PEX5L: variants seen among roughly 807,000 people sequenced by gnomAD.
The protein encoded by PEX5L is peroxisomal biogenesis factor 5 like, also known as PEX5-related protein.
Under a neutral mutation model 84.0 loss-of-function variants are expected in PEX5L, and 30 were observed. The ratio of observed to expected loss-of-function variants is 0.36; its 90% CI spans 0.27 to 0.48. The LOEUF (loss-of-function observed/expected upper bound fraction) is 0.48. PEX5L is among the 20% of genes least tolerant of loss of function. The probability of loss-of-function intolerance (pLI) is 0.99; values close to 1 mark genes in which losing one functional copy is unlikely to be tolerated. For synonymous variants in PEX5L, 270 were observed against 283.1 expected (o/e 0.95, Z 0.46); for missense variants, 533 against 754.6 (o/e 0.71, Z 3.44).
intron 1 of PEX5L, among the ~76,000 whole-genome samples, chr3:180,015,713 T>C (rs1295550061): frequency 2.6e-5 from 4 of 151,850 alleles, no homozygotes; most frequent in Non-Finnish European, 5.9e-5. Flanking sequence ...CCATTCTATA[T>C]ATTAATCTCC....
At chr3:179,866,777 C>G (rs1302364399) in intron 7 of PEX5L, among the ~76,000 whole-genome samples, 4 of 151,960 alleles carry the variant, frequency 2.6e-5, no homozygotes, top group African/African-American at 7.2e-5. Context: ...GTAATCCCAG[C>G]ACTTTGGGAG....
chr3:179,807,587 G>A, intron 14 of PEX5L, 87 bp downstream of exon 14: 1 of 1,286,800 alleles, frequency 7.8e-7, no homozygotes, highest in Non-Finnish European at 1.1e-6. Context: ...TACCAAGGCA[G>A]GCATTTTTAC....
At chr3:179,918,010 G>C (rs1767844093) in intron 2 of PEX5L, among the ~76,000 whole-genome samples, 1 of 152,110 alleles carries the variant, frequency 6.6e-6, no homozygotes. Context: ...AACTCTTTGA[G>C]GTATATGCTT....
Position 180,036,603 on chromosome 3 carries a change from G to C in PEX5L, c.-4C>G. 1 of 1,614,132 alleles carries C rather than the reference G, an allele frequency of 6.2e-7. No homozygotes were observed. Among genetic ancestry groups the C allele is most frequent in the Middle Eastern group, 1.6e-4 (1 of 6,062 alleles). ...CCTGCATGTGTCCCTGGTACATTCT[G>C]CTTCGGTTTCTTCAGGGCTCCCTGA... On this transcript the variant is annotated 5_prime_UTR_variant, in exon 1 of 15. Coordinates refer to ENST00000467460, the MANE Select transcript of PEX5L (RefSeq NM_016559.3).
intron 2 of PEX5L, among the ~76,000 whole-genome samples, chr3:179,932,568 G>A (rs903988274): frequency 3.9e-5 from 6 of 152,012 alleles, no homozygotes; most frequent in African/African-American, 1.5e-4. Flanking sequence ...ATGCATATAA[G>A]ACATTTCAAA....
chr3:180,030,740 T>C lies in PEX5L; in HGVS notation c.21+5839A>G, dbSNP rs1003532120. ...TTTCCATGATTCATAGATCACCATA[T>C]GGCATTCTGTTTGGGGAAAATAACT... On this transcript the variant is annotated intron_variant, in intron 1 of 14. Transcript: ENST00000467460. Among the ~76,000 whole-genome samples, 31 of 152,164 alleles carry C rather than the reference T, an allele frequency of 2.0e-4. 1 individual carries two copies. The highest frequency in any genetic ancestry group is 1.3e-4 in the Admixed American group (2 of 15,268).
chr3:179,863,634 C>T (rs1475684672), intron 7 of PEX5L, among the ~76,000 whole-genome samples: 2 of 152,050 alleles, frequency 1.3e-5, no homozygotes, highest in African/African-American at 2.4e-5. Context: ...CAGTGAGATA[C>T]CACCTCACAC....
intron 1 of PEX5L, among the ~76,000 whole-genome samples, chr3:179,981,207 G>A (rs192011504): frequency 2.0e-4 from 30 of 152,242 alleles, no homozygotes; most frequent in African/African-American, 6.0e-4. Flanking sequence ...TGATCCAGAC[G>A]AGGCTGGAGA....
intron 2 of PEX5L, among the ~76,000 whole-genome samples, chr3:179,935,419 G>A (rs1774309611): frequency 1.3e-5 from 2 of 152,118 alleles, no homozygotes; most frequent in African/African-American, 4.8e-5. Context: ...TCTACCACGA[G>A]CGTATATATT....
At chr3:180,031,087 T>TG (rs373909857) in intron 1 of PEX5L, among the ~76,000 whole-genome samples, 51,873 of 151,986 alleles carry the variant, frequency 0.34, 11,641 homozygotes, top group African/African-American at 0.65. Context: ...ATTTATCTAA[T>TG]GGATATTTAT....
chr3:179,874,194 CTGAA>C (rs1374655422), intron 7 of PEX5L, 129 bp downstream of exon 7: 1 of 495,838 alleles, frequency 2.0e-6, no homozygotes, highest in South Asian at 2.7e-5. Flanking sequence ...GAGATAGCTA[CTGAA>C]TGAAACAGCA....
At chr3:179,931,308 C>T (rs1028034014) in intron 2 of PEX5L, among the ~76,000 whole-genome samples, 15 of 152,208 alleles carry the variant, frequency 9.9e-5, no homozygotes, top group African/African-American at 2.9e-4. Context: ...GAGGCAAAGG[C>T]CTCAAAGGAC....
At chr3:180,014,571 T>C (rs1333472001) in intron 1 of PEX5L, among the ~76,000 whole-genome samples, 2 of 152,042 alleles carry the variant, frequency 1.3e-5, no homozygotes, top group African/African-American at 4.8e-5. Flanking sequence ...TTTTAGTCTC[T>C]ATAAAGCATG....
intron 2 of PEX5L, among the ~76,000 whole-genome samples, chr3:179,966,641 A>T (rs1415250726): frequency 1.3e-5 from 2 of 152,136 alleles, no homozygotes; most frequent in African/African-American, 4.8e-5. Context: ...ATGTTGGCCT[A>T]TATTTTCCTC....
At chr3:179,942,232 C>T (rs959105972) in intron 2 of PEX5L, among the ~76,000 whole-genome samples, 1 of 152,182 alleles carries the variant, frequency 6.6e-6, no homozygotes, top group African/African-American at 2.4e-5. Flanking sequence ...TGCATCTTCT[C>T]CCAAGAAGCC....
intron 2 of PEX5L, 186 bp from the exon 3 acceptor site, chr3:179,898,432 TTTAG>T (rs1760087417): frequency 4.5e-6 from 2 of 443,636 alleles, no homozygotes; most frequent in Non-Finnish European, 8.0e-6. Flanking sequence ...TTTGTGAACT[TTTAG>T]TTAGCTACTT....
chr3:180,026,639 A>G (rs1200141057), intron 1 of PEX5L, among the ~76,000 whole-genome samples: 2 of 152,194 alleles, frequency 1.3e-5, no homozygotes, highest in South Asian at 2.1e-4. Context: ...TCTCTGCTAC[A>G]TGATTTAATA....
chr3:179,886,515 C>T (rs1027473442), intron 4 of PEX5L, among the ~76,000 whole-genome samples: 9 of 152,274 alleles, frequency 5.9e-5, no homozygotes, highest in Middle Eastern at 3.4e-3. Context: ...TAAGCTTTTT[C>T]ATGGATTGCT....
At chr3:179,975,583 T>C (rs1254429846) in intron 1 of PEX5L, among the ~76,000 whole-genome samples, 1 of 152,228 alleles carries the variant, frequency 6.6e-6, no homozygotes, top group South Asian at 2.1e-4. Flanking sequence ...AAATCAATGC[T>C]GCTATGAATG....
Sources: allele counts gnomAD v4.1 joint callset (sites outside exome capture counted in the v4.1 genomes callset), GRCh38; gene constraint gnomAD v4.1.1; transcripts MANE v1.5; gene names NCBI Gene and HGNC (gene_info 2026-07-23, HGNC 2026-07-21).